RIOK3: variants seen among roughly 807,000 people sequenced by gnomAD.
The protein encoded by RIOK3 is RIO kinase 3.
RIOK3 carries 40 observed loss-of-function variants against 63.5 expected under a neutral mutation model. That is an observed-to-expected ratio of 0.63 (90% CI 0.49 to 0.82). RIOK3 has a LOEUF of 0.82. Ranked by LOEUF, RIOK3 falls within the 40% of genes least tolerant of loss-of-function variation. The pLI, the probability that RIOK3 is intolerant of heterozygous loss-of-function variation, is 0.00. For missense variants in RIOK3, 557 were observed against 637.0 expected, an observed-to-expected ratio of 0.87 and a Z score of 1.35; for synonymous variants, 193 against 205.0, an observed-to-expected ratio of 0.94 and a Z score of 0.50.
chr18:23,467,879 C>G (rs2057420640), intron 7 of RIOK3, among the ~76,000 whole-genome samples: 1 of 152,078 alleles, frequency 6.6e-6, no homozygotes, highest in Admixed American at 6.6e-5. Context: ...CGGGTTCAAG[C>G]AAGGTCTCCT....
intron 1 of RIOK3, among the ~76,000 whole-genome samples, chr18:23,453,770 T>C (rs1179718959): frequency 6.6e-6 from 1 of 152,218 alleles, no homozygotes; most frequent in Non-Finnish European, 1.5e-5. Context: ...CACCGTAGCA[T>C]GTATTTGAGC....
At chr18:23,476,835 C>T (rs2057494238) in intron 9 of RIOK3, among the ~76,000 whole-genome samples, 171 bp from the exon 10 acceptor site, 1 of 152,100 alleles carries the variant, frequency 6.6e-6, no homozygotes, top group Non-Finnish European at 1.5e-5. Context: ...TGGTGTGAAC[C>T]AGGGAGGCGG....
At position 23,466,487 on chromosome 18, in the gene RIOK3, T is replaced by C. The variant is rs529352169; in HGVS notation, c.687+211T>C. Among the ~76,000 whole-genome samples the C allele has an allele frequency of 9.6e-4, 145 of 151,774 alleles. 2 individuals carry two copies. The highest frequency in any genetic ancestry group is 3.0e-3 in the Admixed American group (46 of 15,200). On this transcript the variant is annotated intron_variant, in intron 6 of 12. Coordinates refer to ENST00000339486, the MANE Select transcript of RIOK3 (RefSeq NM_003831.5). ...TGGAGACAGGAGGATTACTTGAGCC[T>C]AGGAGTGCAAGAACAGCCCAGGCAA...
chr18:23,475,242 T>C, intron 9 of RIOK3, 135 bp downstream of exon 9: 1 of 634,368 alleles, frequency 1.6e-6, no homozygotes, highest in East Asian at 2.9e-5. Context: ...GCTCAGGCAG[T>C]AGGATCACTT....
intron 1 of RIOK3, among the ~76,000 whole-genome samples, chr18:23,455,353 G>T (rs1207874142): frequency 6.7e-6 from 1 of 149,882 alleles, no homozygotes; most frequent in South Asian, 2.1e-4. Flanking sequence ...GATTACAGGC[G>T]TGAGCCACCA....
intron 1 of RIOK3, among the ~76,000 whole-genome samples, chr18:23,456,901 G>A (rs750184651): frequency 5.9e-5 from 9 of 152,128 alleles, no homozygotes; most frequent in African/African-American, 1.4e-4. Context: ...TAATAAGAGC[G>A]TAGTAGAAAT....
At chr18:23,460,950 G>A (rs987994339) in intron 1 of RIOK3, among the ~76,000 whole-genome samples, 1 of 152,236 alleles carries the variant, frequency 6.6e-6, no homozygotes, top group Non-Finnish European at 1.5e-5. Context: ...CTTACAGAAG[G>A]CTGGAAGAGT....
intron 12 of RIOK3, among the ~76,000 whole-genome samples, 187 bp from the exon 13 acceptor site, chr18:23,480,985 C>A (rs1434290070): frequency 6.6e-6 from 1 of 152,066 alleles, no homozygotes; most frequent in Non-Finnish European, 1.5e-5. Context: ...GAGGCTGAGG[C>A]AGGAGAATTG....
chr18:23,480,780 TTAAAAAA>T (rs545087189), intron 12 of RIOK3, among the ~76,000 whole-genome samples: 6 of 151,812 alleles, frequency 4.0e-5, no homozygotes, highest in Admixed American at 2.0e-4. Context: ...ATAAACTCCA[TTAAAAAA>T]TAAAAAATAA....
rs759593902 is a variant in RIOK3 at position 23,475,009 on chromosome 18, A to C, written c.1075A>C (p.Met359Leu). 6.2e-6 allele frequency: 10 copies of C among 1,612,050 alleles called. No individual in the cohort carries two copies. Among genetic ancestry groups the C allele is most frequent in the Non-Finnish European group, 8.5e-6 (10 of 1,178,228 alleles). ...ACTACTGAAGAAACACATTTTAGTT[A>C]TGTCTTTTATTGGCCATGATCAAGT... ...VVLLKKHILV[M>L]SFIGHDQVPA... Residue 359 changes from methionine to leucine, a missense_variant, in exon 9 of 13, where the codon ATG (methionine) becomes CTG (leucine). Physicochemically the swap from Met to Leu is conservative, Grantham distance 15. This residue lies in a region of RIOK3 where 309 missense variants were observed against 338.7 expected (regional missense o/e 0.91). Transcript: ENST00000339486.
At position 23,453,457 on chromosome 18, in the gene RIOK3, G is replaced by C; in HGVS notation, c.18G>C (p.Val6=). Residue 6 remains valine, a synonymous_variant, in exon 1 of 13, where the codon GTG becomes GTC. Transcript: ENST00000339486. MDLVG[V]ASPEPGTAAA... is the part of the protein sequence containing the mutation. ...ATTCCCGAATGGATCTGGTAGGAGT[G>C]GCATCGCCTGAGCCCGGGACGGCAG... 2.5e-6 allele frequency: 4 copies of C among 1,613,790 alleles called. No homozygotes were observed. Among genetic ancestry groups the C allele is most frequent in the Non-Finnish European group, 3.4e-6 (4 of 1,179,834 alleles).
At chr18:23,470,165 C>T (rs1423656543) in intron 7 of RIOK3, among the ~76,000 whole-genome samples, 2 of 152,040 alleles carry the variant, frequency 1.3e-5, no homozygotes, top group African/African-American at 2.4e-5. Context: ...GAGATCGAGA[C>T]GATCCTGGTT....
chr18:23,463,293 C>T (rs1283991156), intron 2 of RIOK3: 20 of 394,252 alleles, frequency 5.1e-5, no homozygotes, highest in African/African-American at 1.5e-4. Context: ...AGTTATATCG[C>T]GTTAATGCTG....
rs761666919 is a variant in RIOK3 at position 23,470,364 on chromosome 18, C to CA, written c.815+2852dup. ...TGGGTGACAGAGCAAGATTCCGTCT[C>CA]AAAAAAAAAAAAAATCCAATGTTGA... On this transcript the variant is annotated intron_variant, in intron 7 of 12. Coordinates refer to ENST00000339486, the MANE Select transcript of RIOK3 (RefSeq NM_003831.5). Among the ~76,000 whole-genome samples, 382 of 108,594 alleles carry CA rather than the reference C, an allele frequency of 3.5e-3. 2 individuals are homozygous for CA. The highest frequency in any genetic ancestry group is 6.0e-3 in the East Asian group (23 of 3,816). 71.2% of individuals were successfully genotyped at this position (108,594 alleles called of 152,430 possible). A position where few individuals can be genotyped will look rare whatever the true frequency, so the allele number is the denominator to read the frequency against.
chr18:23,478,550 C>T (rs1389906253), intron 11 of RIOK3, among the ~76,000 whole-genome samples: 2 of 125,360 alleles, frequency 1.6e-5, no homozygotes, highest in Non-Finnish European at 3.4e-5. Context: ...TGTGATTGTG[C>T]CACTGCACTC....
intron 1 of RIOK3, among the ~76,000 whole-genome samples, chr18:23,459,194 C>A (rs2057358971): frequency 6.6e-6 from 1 of 152,162 alleles, no homozygotes; most frequent in African/African-American, 2.4e-5. Context: ...TACTTTAATA[C>A]CTTAGCAGAA....
At chr18:23,467,764 ATAT>A (rs34323259) in intron 7 of RIOK3, among the ~76,000 whole-genome samples, 27,466 of 150,294 alleles carry the variant, frequency 0.18, 3,556 homozygotes, top group East Asian at 0.35. Flanking sequence ...TTCAATGCGT[ATAT>A]TATTATTATT....
chr18:23,466,076 T>C, intron 5 of RIOK3, 57 bp from the exon 6 acceptor site: 1 of 1,400,304 alleles, frequency 7.1e-7, no homozygotes, highest in Non-Finnish European at 9.7e-7. Context: ...GTTTTTGTTT[T>C]TGTTTTTAAC....
At chr18:23,471,709 C>T (rs559078905) in intron 7 of RIOK3, among the ~76,000 whole-genome samples, 37 of 152,124 alleles carry the variant, frequency 2.4e-4, no homozygotes, top group Non-Finnish European at 1.3e-4. Flanking sequence ...GAACAGCACA[C>T]GCTGTTGGAT....
Sources: gnomAD v4.1 joint callset for allele counts (sites outside exome capture counted in the v4.1 genomes callset) on GRCh38, gnomAD v4.1.1 for gene constraint, gnomAD v4.1.1 regional missense constraint, MANE v1.5 for transcripts, NCBI Gene and HGNC (gene_info 2026-07-23, HGNC 2026-07-21) for gene names.